PRKAG1: variants seen among roughly 807,000 people sequenced by gnomAD.
The protein encoded by PRKAG1 is protein kinase AMP-activated non-catalytic subunit gamma 1.
Under a neutral mutation model 48.2 loss-of-function variants are expected in PRKAG1, and 27 were observed. The ratio of observed to expected loss-of-function variants is 0.56; its 90% CI spans 0.41 to 0.77. The LOEUF (loss-of-function observed/expected upper bound fraction) is 0.77. Among genes scored for constraint, PRKAG1 ranks in the 30% least tolerant of loss-of-function variants. PRKAG1 has a pLI of 0.00. For synonymous variants in PRKAG1, 130 were observed against 147.7 expected, an observed-to-expected ratio of 0.88 and a Z score of 0.87; for missense variants, 287 against 398.3, an observed-to-expected ratio of 0.72 and a Z score of 2.38.
Position 49,005,878 on chromosome 12 carries a change from C to A in PRKAG1, c.59-26G>T. The stretch of plus-strand genomic sequence containing the variant: ...CTGCATAGGGTGGGATAGTTAGTAG[C>A]TTCCTTCCACATAAAAACTCCCAAT... On this transcript the variant is annotated intron_variant, in intron 2 of 11. Coordinates refer to ENST00000548065, the MANE Select transcript of PRKAG1 (RefSeq NM_002733.5). This position sits in a 1 kb window ranked among gnomAD's most constrained non-coding sequence, Gnocchi z 4.1. 1 of 1,490,796 alleles carries A rather than the reference C, an allele frequency of 6.7e-7. No individual in the cohort carries two copies. The highest frequency in any genetic ancestry group is 9.1e-7 in the Non-Finnish European group (1 of 1,102,300). 92.3% of individuals were successfully genotyped at this position (1,490,796 alleles called of 1,614,324 possible). A position where few individuals can be genotyped will look rare whatever the true frequency, so the allele number is the denominator to read the frequency against.
In PRKAG1 at chr12:49,004,577, A is replaced by G. The variant is rs368711969; in HGVS notation, c.467T>C (p.Ile156Thr). 9.9e-6 allele frequency: 16 copies of G among 1,614,036 alleles called. No homozygotes were observed. The African/African-American group carries it at 1.1e-4, about 11-fold the overall frequency. ...IRNKIHRLPV[I>T]DPESGNTLYI... ...CAAAGTATTGCCTGATTCTGGGTCA[A>G]TAACTGGCAGCCTGTGGATCTTGTT... Residue 156 changes from isoleucine to threonine, a missense_variant, in exon 8 of 12, where the codon ATT becomes ACT. By Grantham distance (89) the Ile-to-Thr change is moderately conservative (BLOSUM62 -1). Coordinates refer to ENST00000548065, the MANE Select transcript of PRKAG1 (RefSeq NM_002733.5).
intron 1 of PRKAG1, among the ~76,000 whole-genome samples, chr12:49,013,663 GC>G (rs1941852190): frequency 6.6e-6 from 1 of 152,110 alleles, no homozygotes; most frequent in Non-Finnish European, 1.5e-5. Flanking sequence ...TAAGCAACTT[GC>G]CCAAGGTCAC....
At chr12:49,004,299 A>G (rs1413582525) in intron 8 of PRKAG1, 3 of 610,062 alleles carry the variant, frequency 4.9e-6, no homozygotes, top group East Asian at 6.3e-5. Context: ...CTCAAAATAA[A>G]TTAATAAATA....
rs1565734402 is a variant in PRKAG1, at chr12:49,005,935, G to A, written c.59-83C>T. 2.0e-6 allele frequency: 2 copies of A among 982,014 alleles called. No individual in the cohort carries two copies. Among genetic ancestry groups the A allele is most frequent in the East Asian group, 2.4e-5 (1 of 41,146 alleles). 60.8% of individuals were successfully genotyped at this position (982,014 alleles called of 1,614,324 possible). On this transcript the variant is annotated intron_variant, in intron 2 of 11. Transcript: ENST00000548065. The surrounding 1 kb of genome is among the most constrained non-coding windows in gnomAD (Gnocchi z 4.1). ...AGACAGAAAACAAAATAGTGTTCTA[G>A]TATCTCAAATATTTAGAGCATTATT...
chr12:49,002,587 CTT>C lies in PRKAG1; in HGVS notation c.*310_*311del, dbSNP rs1941334152. The C allele has an allele frequency of 2.3e-6, 1 of 444,014 alleles. No individual in the cohort carries two copies. The highest frequency in any genetic ancestry group is 2.0e-5 in the African/African-American group (1 of 49,976). 27.5% of individuals were successfully genotyped at this position (444,014 alleles called of 1,614,324 possible). A position where few individuals can be genotyped will look rare whatever the true frequency, so the allele number is the denominator to read the frequency against. On this transcript the variant is annotated 3_prime_UTR_variant, in exon 12 of 12. Coordinates refer to ENST00000548065, the MANE Select transcript of PRKAG1 (RefSeq NM_002733.5). The stretch of plus-strand genomic sequence containing the variant: ...AGAGGCAAGTGAGGTCTGGGGATCT[CTT>C]AGAGATCAGAATTTGTCTGAGAGGC...
rs200403763 is a variant in PRKAG1, at chr12:49,018,749, G to A, written c.-9C>T. The stretch of plus-strand genomic sequence containing the variant: ...CTCCTCACCGTCTCCATTGCAAGAG[G>A]CGCCCGGCTTGGTTTCCTCGCTTTA... On this transcript the variant is annotated 5_prime_UTR_variant, in exon 1 of 12. Transcript: ENST00000548065. 5 of 1,612,896 alleles carry A rather than the reference G, an allele frequency of 3.1e-6. No individual in the cohort carries two copies. Among genetic ancestry groups the A allele is most frequent in the African/African-American group, 2.7e-5 (2 of 75,012 alleles).
Position 49,006,964 on chromosome 12 carries a change from C to T in PRKAG1, c.59-1112G>A, listed in dbSNP as rs374676729. On this transcript the variant is annotated intron_variant, in intron 2 of 11. Transcript: ENST00000548065. Reference sequence around the variant, plus strand: ...AGCCTGGGCAACAAGAGTGAAACTCCGTGTCAAAAAAATAAATAAATAAAT... The same window carrying T: ...AGCCTGGGCAACAAGAGTGAAACTCTGTGTCAAAAAAATAAATAAATAAAT... Among the ~76,000 whole-genome samples, 8 of 148,248 alleles carry T rather than the reference C, an allele frequency of 5.4e-5. No homozygotes were observed. In the East Asian group the frequency reaches 8.0e-4, roughly 15 times the overall value.
Position 49,005,617 on chromosome 12 carries a change from G to A in PRKAG1, c.169-74C>T, listed in dbSNP as rs1268045527. ...ACTGTAAAAAAAGAACAGTGTTTGG[G>A]CATGTTGGGTAAAACATGAGACTAA... On this transcript the variant is annotated intron_variant, in intron 3 of 11. Coordinates refer to ENST00000548065, the MANE Select transcript of PRKAG1 (RefSeq NM_002733.5). The surrounding 1 kb of genome is among the most constrained non-coding windows in gnomAD (Gnocchi z 4.1). The A allele has an allele frequency of 1.2e-6, 2 of 1,613,064 alleles. No individual in the cohort carries two copies. The highest frequency in any genetic ancestry group is 1.7e-6 in the Non-Finnish European group (2 of 1,179,648).
chr12:49,008,882 T>C (rs947150198), intron 2 of PRKAG1, among the ~76,000 whole-genome samples: 4 of 152,230 alleles, frequency 2.6e-5, no homozygotes, highest in Admixed American at 2.0e-4. Context: ...AATCTCAGGA[T>C]GACTGTGCTT....
At chr12:49,008,054 TCAC>T (rs894554473) in intron 2 of PRKAG1, among the ~76,000 whole-genome samples, 1 of 152,084 alleles carries the variant, frequency 6.6e-6, no homozygotes, top group African/African-American at 2.4e-5. Context: ...AGACAGGGTT[TCAC>T]CACATTGGCC....
At chr12:49,009,104 T>C (rs990211218) in intron 2 of PRKAG1, among the ~76,000 whole-genome samples, 2 of 151,818 alleles carry the variant, frequency 1.3e-5, no homozygotes, top group African/African-American at 4.8e-5. Context: ...TGTGGGTTGT[T>C]GGAATCTTTC....
intron 1 of PRKAG1, among the ~76,000 whole-genome samples, chr12:49,015,270 T>C (rs940865182): frequency 2.6e-5 from 4 of 152,228 alleles, no homozygotes; most frequent in Non-Finnish European, 5.9e-5. Flanking sequence ...GCTACTTCTG[T>C]AGAATTTACC....
chr12:49,012,503 T>A (rs1215011809), intron 2 of PRKAG1: 1 of 152,486 alleles, frequency 6.6e-6, no homozygotes, highest in Non-Finnish European at 1.5e-5. Context: ...GCCTCCCAAG[T>A]AGCTGGGATT....
chr12:49,003,762 T>A lies in PRKAG1; in HGVS notation c.698A>T (p.Glu233Val). The A allele has an allele frequency of 6.2e-7, 1 of 1,612,100 alleles. No homozygotes were observed. The highest frequency in any genetic ancestry group is 8.5e-7 in the Non-Finnish European group (1 of 1,178,870). ...CCTTCTGCCCAATCTCTCACCCTTCTCATCCACCACTGGCAGGGCTGAGAC... is the reference window on the plus strand; with the variant it reads ...CCTTCTGCCCAATCTCTCACCCTTCACATCCACCACTGGCAGGGCTGAGAC... ...HRVSALPVVD[E>V]KGRVVDIYSK... Residue 233 changes from glutamate (E) to valine (V), a missense_variant, in exon 9 of 12, where the codon GAG becomes GTG. Glu to Val is a moderately radical substitution (Grantham distance 121). Around this residue, in one of 2 missense-constraint regions of PRKAG1, gnomAD observed 224 missense variants for 344.3 expected, o/e 0.65. Coordinates refer to ENST00000548065, the MANE Select transcript of PRKAG1 (RefSeq NM_002733.5).
Position 49,005,048 on chromosome 12 carries a change from A to C in PRKAG1, c.356-30T>G. 1 of 1,613,548 alleles carries C rather than the reference A, an allele frequency of 6.2e-7. No individual in the cohort carries two copies. The highest frequency in any genetic ancestry group is 8.5e-7 in the Non-Finnish European group (1 of 1,179,572). On this transcript the variant is annotated intron_variant, in intron 6 of 11. Transcript: ENST00000548065. The surrounding 1 kb of genome is among the most constrained non-coding windows in gnomAD (Gnocchi z 4.1). ...AGGGAAAAGGGATGGGTCACAAAAT[A>C]CCACCATGGAAAAGTGTTTCCCAGA...
chr12:49,013,180 A>G (rs1033903471), intron 1 of PRKAG1, 70 bp from the exon 2 acceptor site: 2 of 1,337,128 alleles, frequency 1.5e-6, no homozygotes, highest in Admixed American at 1.7e-5. Context: ...CATTAGGGGA[A>G]GGGCTGGTGA....
chr12:49,003,723 T>A (rs1006791041), intron 9 of PRKAG1, 34 bp downstream of exon 9: 1 of 1,606,526 alleles, frequency 6.2e-7, no homozygotes. Context: ...CTTGCCTGGA[T>A]CTTCCCTCCC....
intron 2 of PRKAG1, among the ~76,000 whole-genome samples, chr12:49,010,936 T>C (rs1941735236): frequency 6.6e-6 from 1 of 151,902 alleles, no homozygotes; most frequent in Non-Finnish European, 1.5e-5. Flanking sequence ...CTCCTCCTCC[T>C]GAGTTCAAGC....
Position 49,002,653 on chromosome 12 carries a change from A to G in PRKAG1, c.*246T>C, listed in dbSNP as rs1318105978. ...TTCACCCAGAAAGGGGGATATATCTAAGAGGACAGGGGCTAGAACTGGCTA... is the reference window on the plus strand; with the variant it reads ...TTCACCCAGAAAGGGGGATATATCTGAGAGGACAGGGGCTAGAACTGGCTA... On this transcript the variant is annotated 3_prime_UTR_variant, in exon 12 of 12. Coordinates refer to ENST00000548065, the MANE Select transcript of PRKAG1 (RefSeq NM_002733.5). 14 of 575,856 alleles carry G rather than the reference A, an allele frequency of 2.4e-5. 1 individual carries two copies. The South Asian group carries it at 2.6e-4, about 11-fold the overall frequency. 35.7% of individuals were successfully genotyped at this position (575,856 alleles called of 1,614,324 possible). A position where few individuals can be genotyped will look rare whatever the true frequency, so the allele number is the denominator to read the frequency against.
Sources: allele counts gnomAD v4.1 joint callset (sites outside exome capture counted in the v4.1 genomes callset), GRCh38; gene constraint gnomAD v4.1.1; regional missense constraint gnomAD v4.1.1; non-coding constraint Gnocchi (gnomAD v3.1); transcripts MANE v1.5; gene names NCBI Gene and HGNC (gene_info 2026-07-23, HGNC 2026-07-21).